Variants in TDRD9 observed in about 807,000 individuals in gnomAD.
The protein encoded by TDRD9 is tudor domain containing 9.
Under a neutral mutation model 172.6 loss-of-function variants are expected in TDRD9, and 124 were observed. The observed-to-expected ratio is 0.72, with a 90% CI of 0.62 to 0.83. The LOEUF (loss-of-function observed/expected upper bound fraction) is 0.83, where lower values mean the gene tolerates loss of function less well. Ranked by LOEUF, TDRD9 falls within the 40% of genes least tolerant of loss-of-function variation. TDRD9 has a pLI of 0.00. For missense variants in TDRD9, 1,479 were observed against 1,714.1 expected, an observed-to-expected ratio of 0.86 and a Z score of 2.42; for synonymous variants, 619 against 617.1, an observed-to-expected ratio of 1.00 and a Z score of -0.05.
intron 35 of TDRD9, among the ~76,000 whole-genome samples, chr14:104,051,166 A>G (rs927547793): frequency 1.3e-5 from 2 of 152,086 alleles, no homozygotes; most frequent in African/African-American, 2.4e-5. Context: ...TCTTATGTCC[A>G]TGAGTACTCA....
intron 32 of TDRD9, among the ~76,000 whole-genome samples, chr14:104,037,668 C>G (rs1409864067): frequency 3.3e-5 from 5 of 152,194 alleles, no homozygotes; most frequent in African/African-American, 1.2e-4. Context: ...TCTTTGCCAA[C>G]TGGCTGTGGA....
intron 32 of TDRD9, among the ~76,000 whole-genome samples, 176 bp downstream of exon 32, chr14:104,035,232 T>C (rs2035416165): frequency 1.3e-5 from 2 of 152,070 alleles, no homozygotes; most frequent in Non-Finnish European, 2.9e-5. Context: ...TTGGGCTGAT[T>C]TTGAAAGAAG....
intron 3 of TDRD9, among the ~76,000 whole-genome samples, chr14:103,963,793 T>A (rs2032616281): frequency 6.6e-6 from 1 of 152,244 alleles, no homozygotes; most frequent in Non-Finnish European, 1.5e-5. Flanking sequence ...ATTTTTACTT[T>A]GCTTTAGAGT....
intron 7 of TDRD9, among the ~76,000 whole-genome samples, chr14:103,979,397 A>G (rs2033380920): frequency 6.6e-6 from 1 of 152,222 alleles, no homozygotes. Context: ...TATTTGGCTC[A>G]CAGTTCTGCA....
intron 1 of TDRD9, among the ~76,000 whole-genome samples, chr14:103,952,181 C>CGTGT (rs34670145): frequency 0.063 from 2,981 of 47,342 alleles, 141 homozygotes; most frequent in Middle Eastern, 0.15. Context: ...TATGTGTGTG[C>CGTGT]GTGTGTGTGT....
chr14:103,946,847 G>A (rs1566730341), intron 1 of TDRD9, among the ~76,000 whole-genome samples: 1 of 152,208 alleles, frequency 6.6e-6, no homozygotes, highest in South Asian at 2.1e-4. Flanking sequence ...AGAAGTGAAA[G>A]TCTGGACAAT....
At chr14:103,930,338 C>T (rs1452373349) in intron 1 of TDRD9, among the ~76,000 whole-genome samples, 1 of 152,134 alleles carries the variant, frequency 6.6e-6, no homozygotes, top group African/African-American at 2.4e-5. Flanking sequence ...CTGGCGTGTG[C>T]CACCACGCCC....
intron 35 of TDRD9, 141 bp from the exon 36 acceptor site, chr14:104,051,840 G>A: frequency 1.8e-6 from 1 of 552,524 alleles, no homozygotes; most frequent in African/African-American, 1.9e-5. Flanking sequence ...AGTATGAAGT[G>A]TGAGAGTAGA....
chr14:103,991,938 G>C (rs1430622859), intron 9 of TDRD9, among the ~76,000 whole-genome samples: 1 of 152,060 alleles, frequency 6.6e-6, no homozygotes, highest in Non-Finnish European at 1.5e-5. Flanking sequence ...TCAGCTTTTT[G>C]AAGGCAGTTT....
At chr14:103,960,094 A>C (rs1377359214) in intron 2 of TDRD9, among the ~76,000 whole-genome samples, 1 of 152,272 alleles carries the variant, frequency 6.6e-6, no homozygotes, top group Non-Finnish European at 1.5e-5. Flanking sequence ...TTTTGTATTC[A>C]GAATACTAGT....
intron 9 of TDRD9, among the ~76,000 whole-genome samples, chr14:103,992,820 A>G (rs7143387): frequency 0.97 from 147,415 of 151,342 alleles, 71,919 homozygotes; most frequent in East Asian, 1. Flanking sequence ...AGCTATTCGG[A>G]AGGCTGAGGC....
intron 1 of TDRD9, among the ~76,000 whole-genome samples, chr14:103,944,973 TGAATA>T (rs1204457424): frequency 6.6e-6 from 1 of 152,202 alleles, no homozygotes; most frequent in Admixed American, 6.5e-5. Context: ...TGCCAGGGCC[TGAATA>T]GTTAGGGGCT....
chr14:104,025,653 G>C lies in TDRD9; in HGVS notation c.2808G>C (p.Leu936=), dbSNP rs35463712. Residue 936 remains leucine, a synonymous_variant, in exon 26 of 36, where the codon CTG becomes CTC. Transcript: ENST00000409874. ...AGCTTACTGCTGAAATCAACCAACT[G>C]ACGCTGGTGCCCTTGCCCACTCACC... is the stretch of plus-strand genomic sequence containing the variant. The part of the protein sequence containing the change: ...LKKLTAEINQ[L]TLVPLPTHPH... The C allele has an allele frequency of 3.4e-3, 5,444 of 1,613,954 alleles. 158 individuals are homozygous for C. The African/African-American group carries it at 0.065, about 19-fold the overall frequency.
intron 1 of TDRD9, among the ~76,000 whole-genome samples, chr14:103,935,225 C>T (rs936705015): frequency 4.6e-5 from 7 of 152,324 alleles, no homozygotes; most frequent in African/African-American, 1.7e-4. Flanking sequence ...CTTTAGAGAA[C>T]TATGACTGAC....
Position 103,994,560 on chromosome 14 carries a change from A to G in TDRD9, c.1277A>G (p.Glu426Gly). The G allele has an allele frequency of 6.2e-7, 1 of 1,613,956 alleles. No individual in the cohort carries two copies. The highest frequency in any genetic ancestry group is 8.5e-7 in the Non-Finnish European group (1 of 1,179,852). ...CTCCATTCAAGTGTGGCTTTAGAAG[A>G]ACAGAATAATGTCTTTTTAAGTCCA... ...YPLHSSVALE[E>G]QNNVFLSPVP... The change falls in exon 11 of 36, where the codon GAA becomes GGA. Residue 426 changes from glutamate to glycine, a missense_variant. Physicochemically the swap from Glu to Gly is moderately conservative, Grantham distance 98. Coordinates refer to ENST00000409874, the MANE Select transcript of TDRD9 (RefSeq NM_153046.3).
At chr14:103,934,638 C>T (rs1158296499) in intron 1 of TDRD9, among the ~76,000 whole-genome samples, 2 of 152,110 alleles carry the variant, frequency 1.3e-5, no homozygotes, top group Non-Finnish European at 2.9e-5. Context: ...ATTAGCCGGG[C>T]GTGGTGGTGG....
chr14:103,929,402 C>T (rs2030214158), intron 1 of TDRD9, among the ~76,000 whole-genome samples: 1 of 152,092 alleles, frequency 6.6e-6, no homozygotes, highest in African/African-American at 2.4e-5. Context: ...GGGGTTCCTC[C>T]ATGCCTTTCC....
rs187838662 is a variant in TDRD9, at chr14:103,944,713, G to T, written c.216-10951G>T. 2.0e-3 allele frequency among the ~76,000 whole-genome samples: 298 copies of T among 152,038 alleles called. 1 individual carries two copies. The highest frequency in any genetic ancestry group is 0.01 in the Middle Eastern group (3 of 294). On this transcript the variant is annotated intron_variant, in intron 1 of 35. Coordinates refer to ENST00000409874, the MANE Select transcript of TDRD9 (RefSeq NM_153046.3). ...CCCTCGTAGCTGGGATTACAGGCGT[G>T]CACCACCACACTCAGCTAATTTTTG...
Position 104,018,150 on chromosome 14 carries a change from G to C in TDRD9, c.2390G>C (p.Arg797Thr), listed in dbSNP as rs2034848271. The C allele has an allele frequency of 6.2e-7, 1 of 1,608,802 alleles. No homozygotes were observed. The highest frequency in any genetic ancestry group is 2.2e-5 in the East Asian group (1 of 44,826). The stretch of plus-strand genomic sequence containing the variant: ...TATAAACAACTACAGTCTCTCTTTA[G>C]ACAGTGTGGTCAAGTCAAATCCATT... ...LYYKQLQSLFRQCGQVKSIVF... is the reference protein window; with the variant it reads ...LYYKQLQSLFTQCGQVKSIVF... Residue 797 changes from arginine to threonine, a missense_variant, in exon 23 of 36, where the codon AGA becomes ACA. Physicochemically the swap from Arg to Thr is moderately conservative, Grantham distance 71. This residue lies in a region of TDRD9 where 1,413 missense variants were observed against 1,649.1 expected (regional missense o/e 0.86). Coordinates refer to ENST00000409874, the MANE Select transcript of TDRD9 (RefSeq NM_153046.3).
Sources: gnomAD v4.1 joint callset for allele counts (sites outside exome capture counted in the v4.1 genomes callset) on GRCh38, gnomAD v4.1.1 for gene constraint, gnomAD v4.1.1 regional missense constraint, MANE v1.5 for transcripts, NCBI Gene and HGNC (gene_info 2026-07-23, HGNC 2026-07-21) for gene names.